ZMAT4: variants seen among roughly 807,000 people sequenced by gnomAD.
ZMAT4 encodes zinc finger matrin-type protein 4.
Under a neutral mutation model 28.7 loss-of-function variants are expected in ZMAT4, and 17 were observed. That is an observed-to-expected ratio of 0.59 (90% CI 0.41 to 0.89). The LOEUF (loss-of-function observed/expected upper bound fraction) is 0.89, where lower values mean the gene tolerates loss of function less well. Ranked by LOEUF, ZMAT4 falls within the 40% of genes least tolerant of loss-of-function variation. The probability of loss-of-function intolerance (pLI) is 0.00; values close to 1 mark genes in which losing one functional copy is unlikely to be tolerated. For synonymous variants in ZMAT4, 117 were observed against 109.2 expected (o/e 1.07, Z -0.44); for missense variants, 240 against 283.8 (o/e 0.85, Z 1.11).
At chr8:40,660,838 C>T (rs1481896484) in intron 5 of ZMAT4, among the ~76,000 whole-genome samples, 1 of 152,128 alleles carries the variant, frequency 6.6e-6, no homozygotes, top group South Asian at 2.1e-4. Flanking sequence ...CTTTCTTTAC[C>T]TTATCTCTAT....
At chr8:40,628,404 T>C (rs1450029872) in intron 5 of ZMAT4, among the ~76,000 whole-genome samples, 1 of 152,222 alleles carries the variant, frequency 6.6e-6, no homozygotes, top group African/African-American at 2.4e-5. Flanking sequence ...TCATTTTGTC[T>C]TCGTAATAAC....
chr8:40,533,839 G>A (rs1002325058), intron 6 of ZMAT4, among the ~76,000 whole-genome samples: 3 of 152,112 alleles, frequency 2.0e-5, no homozygotes, highest in Non-Finnish European at 4.4e-5. Context: ...CTACCATCCG[G>A]TCATGACCTA....
intron 2 of ZMAT4, among the ~76,000 whole-genome samples, chr8:40,791,449 T>G (rs1177646291): frequency 6.6e-6 from 1 of 152,228 alleles, no homozygotes. Context: ...AGTGATTTCA[T>G]GTATACTATC....
intron 1 of ZMAT4, among the ~76,000 whole-genome samples, chr8:40,833,166 C>T (rs536395103): frequency 6.6e-6 from 1 of 152,176 alleles, no homozygotes; most frequent in Non-Finnish European, 1.5e-5. Flanking sequence ...TCTGTCCTGT[C>T]CCCATCACAC....
chr8:40,789,544 A>G (rs990132624), intron 2 of ZMAT4, among the ~76,000 whole-genome samples: 1 of 152,246 alleles, frequency 6.6e-6, no homozygotes, highest in Non-Finnish European at 1.5e-5. Context: ...ACATTTTAAA[A>G]TAACTAGGAG....
At chr8:40,891,448 T>C (rs1818683997) in intron 1 of ZMAT4, among the ~76,000 whole-genome samples, 2 of 151,612 alleles carry the variant, frequency 1.3e-5, no homozygotes. Flanking sequence ...TTTCCTCCCT[T>C]TCTGGGCTGA....
At position 40,626,981 on chromosome 8, in the gene ZMAT4, C is replaced by G. The variant is rs375109573; in HGVS notation, c.578-45720G>C. Among the ~76,000 whole-genome samples, 4 of 152,240 alleles carry G rather than the reference C, an allele frequency of 2.6e-5. No individual in the cohort carries two copies. The South Asian group carries it at 8.3e-4, about 32-fold the overall frequency. On this transcript the variant is annotated intron_variant, in intron 5 of 6. Transcript: ENST00000297737. The stretch of plus-strand genomic sequence containing the variant: ...TGACTCTAAAGCTTCTCCTAATAAC[C>G]CTGCTCTGAATGATCCACGCCCTTT...
At chr8:40,542,214 A>G (rs955700248) in intron 6 of ZMAT4, among the ~76,000 whole-genome samples, 12 of 152,108 alleles carry the variant, frequency 7.9e-5, no homozygotes, top group Non-Finnish European at 1.2e-4. Context: ...CAGAAGGAAC[A>G]TGCCAGGCTG....
chr8:40,872,778 TG>T (rs1817908532), intron 1 of ZMAT4, among the ~76,000 whole-genome samples: 2 of 151,710 alleles, frequency 1.3e-5, no homozygotes, highest in South Asian at 4.2e-4. Flanking sequence ...TGATGCCAAT[TG>T]GGGTAGGGGG....
chr8:40,851,405 G>T (rs1310461056), intron 1 of ZMAT4, among the ~76,000 whole-genome samples: 1 of 152,058 alleles, frequency 6.6e-6, no homozygotes, highest in Non-Finnish European at 1.5e-5. Flanking sequence ...TTGAATCCTG[G>T]AACACATAAA....
At chr8:40,624,108 C>T (rs1481631334) in intron 5 of ZMAT4, among the ~76,000 whole-genome samples, 2 of 152,098 alleles carry the variant, frequency 1.3e-5, no homozygotes, top group African/African-American at 4.8e-5. Flanking sequence ...GGATTATGTG[C>T]CCCCAAAATT....
At chr8:40,586,002 A>G (rs1804660868) in intron 5 of ZMAT4, among the ~76,000 whole-genome samples, 2 of 152,184 alleles carry the variant, frequency 1.3e-5, no homozygotes, top group Admixed American at 1.3e-4. Context: ...GCTTTCCATA[A>G]CAGTTCTCAC....
intron 3 of ZMAT4, among the ~76,000 whole-genome samples, chr8:40,732,830 C>T (rs1026514362): frequency 6.9e-6 from 1 of 144,024 alleles, no homozygotes; most frequent in African/African-American, 2.6e-5. Context: ...CTGAGCAAGA[C>T]CTCCTTTTTT....
intron 3 of ZMAT4, among the ~76,000 whole-genome samples, chr8:40,764,071 T>C (rs2150558515): frequency 6.6e-6 from 1 of 152,130 alleles, no homozygotes; most frequent in Middle Eastern, 3.4e-3. Context: ...TCCCAAAGCA[T>C]CTGACCCACG....
chr8:40,700,927 C>A (rs372675443), intron 3 of ZMAT4, among the ~76,000 whole-genome samples: 3 of 152,192 alleles, frequency 2.0e-5, no homozygotes, highest in Non-Finnish European at 4.4e-5. Flanking sequence ...GCACCTAGCA[C>A]CACATTTACC....
intron 1 of ZMAT4, among the ~76,000 whole-genome samples, chr8:40,826,062 C>A (rs1816027383): frequency 6.6e-6 from 1 of 152,104 alleles, no homozygotes; most frequent in South Asian, 2.1e-4. Context: ...AGTTTGAGAC[C>A]AGCATGGGCA....
At chr8:40,773,017 G>T (rs931677642) in intron 2 of ZMAT4, among the ~76,000 whole-genome samples, 1 of 152,322 alleles carries the variant, frequency 6.6e-6, no homozygotes, top group South Asian at 2.1e-4. Context: ...GGGTCCCAGG[G>T]ATGAGCCCTG....
intron 1 of ZMAT4, 61 bp from the exon 2 acceptor site, chr8:40,825,741 T>C (rs1816011838): frequency 2.2e-6 from 3 of 1,363,306 alleles, no homozygotes; most frequent in African/African-American, 1.4e-5. Context: ...ATGCAAGATA[T>C]TAACCGTATG....
intron 1 of ZMAT4, among the ~76,000 whole-genome samples, chr8:40,833,540 C>CAAAAAGAAAAAAAA (rs1816364403): frequency 1.1e-5 from 1 of 87,098 alleles, no homozygotes; most frequent in Non-Finnish European, 2.4e-5. Context: ...TACACTCCAG[C>CAAAAAGAAAAAAAA]AAAAAAAAAA....
Sources: gnomAD v4.1 joint callset for allele counts (sites outside exome capture counted in the v4.1 genomes callset) on GRCh38, gnomAD v4.1.1 for gene constraint, MANE v1.5 for transcripts, NCBI Gene and HGNC (gene_info 2026-07-23, HGNC 2026-07-21) for gene names.